PAXBP1: variants seen among roughly 807,000 people sequenced by gnomAD.
PAXBP1 encodes the protein PAX3- and PAX7-binding protein 1.
In PAXBP1, 44 loss-of-function variants were observed where a neutral mutation model predicts 119.9. The ratio of observed to expected loss-of-function variants is 0.37; its 90% confidence interval spans 0.29 to 0.47. PAXBP1 has a LOEUF of 0.47. Among genes scored for constraint, PAXBP1 ranks in the 20% least tolerant of loss-of-function variants. The pLI is 0.99. For synonymous variants in PAXBP1, 393 were observed against 406.6 expected (o/e 0.97, Z 0.40); for missense variants, 898 against 1,134.1 (o/e 0.79, Z 2.99).
chr21:32,751,261 A>T, intron 8 of PAXBP1, 43 bp from the exon 9 acceptor site: 1 of 1,580,566 alleles, frequency 6.3e-7, no homozygotes, highest in African/African-American at 1.3e-5. Flanking sequence ...ATCTTTCAAC[A>T]ATCTTGAGGA....
chr21:32,754,651 CAACT>C (rs1381443343), intron 8 of PAXBP1, among the ~76,000 whole-genome samples: 1 of 152,058 alleles, frequency 6.6e-6, no homozygotes, highest in East Asian at 1.9e-4. Flanking sequence ...TTGTAAGCAC[CAACT>C]GACTTACTAA....
At chr21:32,749,613 G>A (rs1485721168) in intron 10 of PAXBP1, among the ~76,000 whole-genome samples, 1 of 152,118 alleles carries the variant, frequency 6.6e-6, no homozygotes, top group East Asian at 1.9e-4. Flanking sequence ...TAATAGTGGG[G>A]ACAGTCTAAC....
At chr21:32,748,746 G>C (rs2043913606) in intron 10 of PAXBP1, 48 bp from the exon 11 acceptor site, 7 of 1,506,300 alleles carry the variant, frequency 4.6e-6, no homozygotes, top group Non-Finnish European at 5.4e-6. Context: ...GTATGAAGTA[G>C]GAAAAAAACA....
intron 11 of PAXBP1, 73 bp from the exon 12 acceptor site, chr21:32,745,791 A>G: frequency 1.3e-6 from 2 of 1,565,022 alleles, no homozygotes; most frequent in Non-Finnish European, 1.7e-6. Context: ...GATAAGAGAA[A>G]CAAGAACTGG....
chr21:32,739,282 G>A (rs1449182684), intron 15 of PAXBP1, among the ~76,000 whole-genome samples: 1 of 152,204 alleles, frequency 6.6e-6, no homozygotes, highest in African/African-American at 2.4e-5. Flanking sequence ...CAGTTGAGAA[G>A]AGCAGCTCAA....
Position 32,771,372 on chromosome 21 carries a change from T to C in PAXBP1, c.297A>G (p.Lys99=). 1 of 1,583,664 alleles carries C rather than the reference T, an allele frequency of 6.3e-7. No homozygotes were observed. Among genetic ancestry groups the C allele is most frequent in the Admixed American group, 1.7e-5 (1 of 59,124 alleles). The change falls in exon 1 of 18, where the codon AAA becomes AAG. Residue 99 remains lysine (K), a synonymous_variant. Transcript: ENST00000331923. ...LKPRKRPREN[K]EVPRASLLSF... Reference sequence around the variant, plus strand: ...TGAGCAGGCTGGCCCGGGGCACCTCTTTGTTCTCGCGAGGCCTCTTGCGCG... The same window carrying C: ...TGAGCAGGCTGGCCCGGGGCACCTCCTTGTTCTCGCGAGGCCTCTTGCGCG...
Position 32,745,721 on chromosome 21 carries a change from A to C in PAXBP1, c.1924-3T>G, listed in dbSNP as rs2043861770. 1 of 1,613,804 alleles carries C rather than the reference A, an allele frequency of 6.2e-7. No homozygotes were observed. Among genetic ancestry groups the C allele is most frequent in the Non-Finnish European group, 8.5e-7 (1 of 1,179,844 alleles). On this transcript the variant is annotated splice_region_variant and splice_polypyrimidine_tract_variant and intron_variant, in intron 11 of 17. Coordinates refer to ENST00000331923, the MANE Select transcript of PAXBP1 (RefSeq NM_016631.4). ...TTCTCAAAGTCACGACATTTTGCCT[A>C]AAAGACATTTAAAAGGTTACCCAAA...
chr21:32,765,162 C>A (rs1767380739), intron 2 of PAXBP1, among the ~76,000 whole-genome samples: 1 of 152,186 alleles, frequency 6.6e-6, no homozygotes, highest in Non-Finnish European at 1.5e-5. Flanking sequence ...TAACCAGATT[C>A]TCTTTCTGGG....
Position 32,758,882 on chromosome 21 carries a change from T to A in PAXBP1, c.1383+198A>T, listed in dbSNP as rs569414962. On this transcript the variant is annotated intron_variant, in intron 7 of 17. Coordinates refer to ENST00000331923, the MANE Select transcript of PAXBP1 (RefSeq NM_016631.4). ...CTTTAAGATATTATCTTTATTTCTG[T>A]TTTCAACAAAGGTATTATATTGCCC... 3.3e-5 allele frequency among the ~76,000 whole-genome samples: 5 copies of A among 152,266 alleles called. No homozygotes were observed. In the South Asian group the frequency reaches 1.0e-3, roughly 32 times the overall value.
intron 11 of PAXBP1, among the ~76,000 whole-genome samples, chr21:32,747,558 C>T (rs1432002368): frequency 6.6e-6 from 1 of 152,196 alleles, no homozygotes; most frequent in Admixed American, 6.5e-5. Flanking sequence ...GAGCTGAATG[C>T]TTCTCAGAGC....
chr21:32,771,493 G>T lies in PAXBP1; in HGVS notation c.176C>A (p.Pro59Gln). 1.1e-5 allele frequency: 15 copies of T among 1,318,564 alleles called. No homozygotes were observed. The highest frequency in any genetic ancestry group is 1.4e-5 in the Non-Finnish European group (15 of 1,039,656). 81.7% of individuals were successfully genotyped at this position (1,318,564 alleles called of 1,614,324 possible). A position where few individuals can be genotyped will look rare whatever the true frequency, so the allele number is the denominator to read the frequency against. The part of the protein sequence containing the change: ...RAPGGESLLG[P>Q]GPSPPSALTP... ...CAGCGCGGAAGGCGGCGACGGCCCC[G>T]GGCCCAGCAGCGACTCCCCGCCAGG... The change falls in exon 1 of 18, where the codon CCG (proline) becomes CAG (glutamine). Residue 59 changes from proline to glutamine, a missense_variant. Coordinates refer to ENST00000331923, the MANE Select transcript of PAXBP1 (RefSeq NM_016631.4).
Position 32,761,138 on chromosome 21 carries a change from G to A in PAXBP1, c.896C>T (p.Ala299Val). 1 of 1,613,824 alleles carries A rather than the reference G, an allele frequency of 6.2e-7. No homozygotes were observed. Among genetic ancestry groups the A allele is most frequent in the Non-Finnish European group, 8.5e-7 (1 of 1,179,952 alleles). The change falls in exon 5 of 18, where the codon GCT becomes GTT. Residue 299 changes from alanine to valine, a missense_variant. Ala to Val is a moderately conservative substitution (Grantham distance 64, BLOSUM62 0). Around this residue, in one of 2 missense-constraint regions of PAXBP1, gnomAD observed 599 missense variants for 852.7 expected, o/e 0.70. Coordinates refer to ENST00000331923, the MANE Select transcript of PAXBP1 (RefSeq NM_016631.4). ...EIGIEGSDDD[A>V]LVTGEQDEEL... ...TTCATCCTGTTCTCCAGTTACTAAA[G>A]CATCATCATCACTCCCCTCAATTCC...
intron 3 of PAXBP1, among the ~76,000 whole-genome samples, chr21:32,762,606 A>AT (rs999559695): frequency 9.3e-5 from 14 of 150,294 alleles, no homozygotes; most frequent in Admixed American, 2.7e-4. Flanking sequence ...TTTAGCTATA[A>AT]TTTTTTTTTT....
In PAXBP1 at chr21:32,771,473, C is replaced by T. The variant is rs767604762; in HGVS notation, c.196G>A (p.Ala66Thr). 4 of 1,334,868 alleles carry T rather than the reference C, an allele frequency of 3.0e-6. No homozygotes were observed. Among genetic ancestry groups the T allele is most frequent in the Non-Finnish European group, 3.8e-6 (4 of 1,049,858 alleles). 82.7% of individuals were successfully genotyped at this position (1,334,868 alleles called of 1,614,324 possible). A position where few individuals can be genotyped will look rare whatever the true frequency, so the allele number is the denominator to read the frequency against. The change falls in exon 1 of 18, where the codon GCG becomes ACG. Residue 66 changes from alanine to threonine, a missense_variant. Coordinates refer to ENST00000331923, the MANE Select transcript of PAXBP1 (RefSeq NM_016631.4). The stretch of plus-strand genomic sequence containing the variant: ...TCAGCCCCGAGGCCCGGGGTCAGCG[C>T]GGAAGGCGGCGACGGCCCCGGGCCC... Reference protein sequence around the residue: ...LLGPGPSPPSALTPGLGAEAG... With the variant: ...LLGPGPSPPSTLTPGLGAEAG...
chr21:32,737,244 A>G lies in PAXBP1; in HGVS notation c.2636+10T>C. ...ACTCTAGATTACCATTTCATTAATT[A>G]CAAAATTACCTTGCATTTCTTTTTT... On this transcript the variant is annotated intron_variant, in intron 17 of 17. Transcript: ENST00000331923. 1 of 1,507,426 alleles carries G rather than the reference A, an allele frequency of 6.6e-7. No individual in the cohort carries two copies. Among genetic ancestry groups the G allele is most frequent in the Non-Finnish European group, 8.9e-7 (1 of 1,122,618 alleles). The allele number at this position is 1,507,426 out of a possible 1,614,324, so 93.4% of individuals were successfully genotyped here. A position where few individuals can be genotyped will look rare whatever the true frequency, so the allele number is the denominator to read the frequency against.
At chr21:32,751,261 A>C (rs781569941) in intron 8 of PAXBP1, 43 bp from the exon 9 acceptor site, 8 of 1,580,448 alleles carry the variant, frequency 5.1e-6, no homozygotes, top group Non-Finnish European at 7.0e-6. Flanking sequence ...ATCTTTCAAC[A>C]ATCTTGAGGA....
At chr21:32,745,852 T>C (rs1181089156) in intron 11 of PAXBP1, 134 bp from the exon 12 acceptor site, 9 of 1,060,034 alleles carry the variant, frequency 8.5e-6, no homozygotes, top group Admixed American at 5.0e-5. Flanking sequence ...GGAGATATCA[T>C]GCTACCAGAC....
At position 32,771,524 on chromosome 21, in the gene PAXBP1, T is replaced by C; in HGVS notation, c.145A>G (p.Arg49Gly). 1 of 1,341,996 alleles carries C rather than the reference T, an allele frequency of 7.5e-7. No homozygotes were observed. Among genetic ancestry groups the C allele is most frequent in the Non-Finnish European group, 9.5e-7 (1 of 1,052,726 alleles). 83.1% of individuals were successfully genotyped at this position (1,341,996 alleles called of 1,614,324 possible). A position where few individuals can be genotyped will look rare whatever the true frequency, so the allele number is the denominator to read the frequency against. ...AGCAGCGACTCCCCGCCAGGGGCCC[T>C]GTCGCCGCCACCGGGGCCCGCCTCT... ...GEEAGPGGGD[R>G]APGGESLLGP... is the part of the protein sequence containing the mutation. The change falls in exon 1 of 18, where the codon AGG becomes GGG. Residue 49 changes from arginine to glycine, a missense_variant. Transcript: ENST00000331923.
intron 3 of PAXBP1, among the ~76,000 whole-genome samples, chr21:32,762,957 G>C (rs2044175383): frequency 6.6e-6 from 1 of 150,994 alleles, no homozygotes; most frequent in African/African-American, 2.4e-5. Flanking sequence ...TATGATGCTG[G>C]AAAACAGATA....
Sources: gnomAD v4.1 joint callset for allele counts (sites outside exome capture counted in the v4.1 genomes callset) on GRCh38, gnomAD v4.1.1 for gene constraint, gnomAD v4.1.1 regional missense constraint, MANE v1.5 for transcripts, NCBI Gene and HGNC (gene_info 2026-07-23, HGNC 2026-07-21) for gene names.